ADGRL1: variants seen among roughly 807,000 people sequenced by gnomAD.
ADGRL1 encodes CIRL-1.
In ADGRL1, 31 loss-of-function variants were observed where a neutral mutation model predicts 148.9. The ratio of observed to expected loss-of-function variants is 0.21; its 90% CI spans 0.16 to 0.28. The LOEUF (loss-of-function observed/expected upper bound fraction) is 0.28. ADGRL1 is among the 10% of genes least tolerant of loss of function. The pLI, the probability that ADGRL1 is intolerant of heterozygous loss-of-function variation, is 1.00. For synonymous variants in ADGRL1, 937 were observed against 900.3 expected, an observed-to-expected ratio of 1.04 and a Z score of -0.73; for missense variants, 1,521 against 2,058.8, an observed-to-expected ratio of 0.74 and a Z score of 5.05.
At position 14,163,100 on chromosome 19, in the gene ADGRL1, C is replaced by T. The variant is rs763595117; in HGVS notation, c.701G>A (p.Arg234Gln). The stretch of plus-strand genomic sequence containing the variant: ...CGTCTCCCCGCTCTTGATGCGCGTC[C>T]GTAGGTCATACTTGACGATGTTGCG... ...RTRNIVKYDL[R>Q]TRIKSGETVI... is the part of the protein sequence containing the mutation. The change falls in exon 5 of 23, where the codon CGG becomes CAG. Residue 234 changes from arginine (R) to glutamine (Q), a missense_variant. Transcript: ENST00000361434. 6 of 1,614,094 alleles carry T rather than the reference C, an allele frequency of 3.7e-6. No homozygotes were observed. Among genetic ancestry groups the T allele is most frequent in the African/African-American group, 1.3e-5 (1 of 75,058 alleles).
chr19:14,160,444 G>A lies in ADGRL1; in HGVS notation c.1615-147C>T. ...GCCCCTTCCCACCCCATCTGTCCCT[G>A]CTCCCTTTGTAGGCCAGGGAGGTGA... is the stretch of plus-strand genomic sequence containing the variant. On this transcript the variant is annotated intron_variant, in intron 7 of 22. Coordinates refer to ENST00000361434, the MANE Select transcript of ADGRL1 (RefSeq NM_014921.5). The surrounding 1 kb of genome is among the most constrained non-coding windows in gnomAD (Gnocchi z 5.9). 1.1e-6 allele frequency: 1 copy of A among 933,530 alleles called. No individual in the cohort carries two copies. Among genetic ancestry groups the A allele is most frequent in the Non-Finnish European group, 1.6e-6 (1 of 631,402 alleles). 57.8% of individuals were successfully genotyped at this position (933,530 alleles called of 1,614,324 possible).
chr19:14,198,969 GAA>G (rs899740389), intron 1 of ADGRL1, among the ~76,000 whole-genome samples: 7 of 152,206 alleles, frequency 4.6e-5, no homozygotes, highest in African/African-American at 9.7e-5. Context: ...GAGCAGAGCT[GAA>G]AAGAGTTCTA....
Position 14,170,758 on chromosome 19 carries a change from G to A in ADGRL1, c.318C>T (p.Ala106=), listed in dbSNP as rs367957661. The A allele has an allele frequency of 1.7e-5, 27 of 1,612,168 alleles. No homozygotes were observed. The East Asian group carries it at 2.7e-4, about 16-fold the overall frequency. Residue 106 remains alanine (A), a synonymous_variant, in exon 4 of 23, where the codon GCC becomes GCT. Coordinates refer to ENST00000361434, the MANE Select transcript of ADGRL1 (RefSeq NM_014921.5). The stretch of plus-strand genomic sequence containing the variant: ...AGGGGTCAGGAAAGGCATCCGAGCC[G>A]GCGACCACCACGCACTGGGTGCGGT... ...CNNRTQCVVV[A]GSDAFPDPCP... is the part of the protein sequence containing the mutation.
intron 1 of ADGRL1, among the ~76,000 whole-genome samples, chr19:14,204,836 G>A (rs1972875739): frequency 6.6e-6 from 1 of 152,066 alleles, no homozygotes; most frequent in Non-Finnish European, 1.5e-5. Flanking sequence ...TTGGGAAGTG[G>A]GATGTGGGAA....
intron 1 of ADGRL1, among the ~76,000 whole-genome samples, chr19:14,205,759 G>A (rs1334391927): frequency 2.0e-5 from 3 of 151,070 alleles, no homozygotes; most frequent in Admixed American, 1.3e-4. Flanking sequence ...GGCGCTCCGT[G>A]GGGGCCGCCC....
chr19:14,194,431 A>T (rs1568629792), intron 1 of ADGRL1, among the ~76,000 whole-genome samples: 1 of 152,264 alleles, frequency 6.6e-6, no homozygotes, highest in African/African-American at 2.4e-5. Flanking sequence ...TGGGCTCTCC[A>T]GCAAGGAACC....
intron 4 of ADGRL1, chr19:14,170,415 G>C (rs1568599708): frequency 2.6e-6 from 1 of 388,260 alleles, no homozygotes; most frequent in African/African-American, 2.1e-5. Flanking sequence ...GGTGCATGAA[G>C]AAGCAGGGTG....
intron 3 of ADGRL1, among the ~76,000 whole-genome samples, chr19:14,174,535 AT>A (rs35665946): frequency 0.11 from 15,601 of 136,350 alleles, 691 homozygotes; most frequent in Admixed American, 0.17. Flanking sequence ...GGTAACACAC[AT>A]TTTTTTTTTT....
At chr19:14,158,669 G>A in intron 11 of ADGRL1, 117 bp from the exon 12 acceptor site, 1 of 782,676 alleles carries the variant, frequency 1.3e-6, no homozygotes, top group Non-Finnish European at 2.1e-6. Context: ...TGGCCACTGG[G>A]ACCTCTGAAG....
At position 14,159,860 on chromosome 19, in the gene ADGRL1, G is replaced by C. The variant is rs770581845; in HGVS notation, c.1801-87C>G. On this transcript the variant is annotated intron_variant, in intron 8 of 22. Transcript: ENST00000361434. The surrounding 1 kb of genome is among the most constrained non-coding windows in gnomAD (Gnocchi z 6.0). ...ACTGTCACATCTGGATAGCTCTCTC[G>C]TCTGCGGTTACCACTGACCCAGGGC... is the stretch of plus-strand genomic sequence containing the variant. The C allele has an allele frequency of 6.4e-6, 8 of 1,248,714 alleles. No individual in the cohort carries two copies. Among genetic ancestry groups the C allele is most frequent in the African/African-American group, 1.5e-5 (1 of 68,054 alleles). 77.4% of individuals were successfully genotyped at this position (1,248,714 alleles called of 1,614,324 possible).
intron 1 of ADGRL1, among the ~76,000 whole-genome samples, chr19:14,197,557 C>T (rs941460801): frequency 7.9e-5 from 12 of 152,206 alleles, no homozygotes; most frequent in Non-Finnish European, 1.3e-4. Context: ...ACCTTCCCAT[C>T]ACTTCTACTC....
intron 2 of ADGRL1, among the ~76,000 whole-genome samples, chr19:14,183,218 C>CGAGAGAGAGAGAGAGAGAGAGAGAGA (rs1262220395): frequency 8.0e-6 from 1 of 124,868 alleles, no homozygotes; most frequent in Non-Finnish European, 1.9e-5. Flanking sequence ...AGAGAGAGAG[C>CGAGAGAGAGAGAGAGAGAGAGAGAGA]GAGAGAGAGA....
intron 2 of ADGRL1, among the ~76,000 whole-genome samples, chr19:14,181,516 C>T (rs562250464): frequency 2.0e-5 from 3 of 152,200 alleles, no homozygotes; most frequent in Admixed American, 1.3e-4. Flanking sequence ...GTCAGGAATT[C>T]GAGACTAGCC....
intron 1 of ADGRL1, among the ~76,000 whole-genome samples, chr19:14,202,454 T>C (rs1033971768): frequency 2.6e-5 from 4 of 152,022 alleles, no homozygotes; most frequent in African/African-American, 4.8e-5. Context: ...GGTTTCACCA[T>C]GTTGGCCAGG....
intron 3 of ADGRL1, among the ~76,000 whole-genome samples, chr19:14,176,756 T>C (rs1312381302): frequency 6.6e-6 from 1 of 151,410 alleles, no homozygotes; most frequent in Non-Finnish European, 1.5e-5. Context: ...GGGGGATTGC[T>C]TGAACCTGAG....
Position 14,162,787 on chromosome 19 carries a change from G to A in ADGRL1, c.1014C>T (p.Arg338=), listed in dbSNP as rs1031002208. 4.3e-6 allele frequency: 7 copies of A among 1,614,080 alleles called. No individual in the cohort carries two copies. Among genetic ancestry groups the A allele is most frequent in the African/African-American group, 1.3e-5 (1 of 74,924 alleles). ...VDDDSEAAGN[R]VDYAFNTNAN... Reference sequence around the variant, plus strand: ...CATTGGTGTTGAAGGCATAGTCCACGCGGTTGCCAGCCGCCTCGCTGTCAT... The same window carrying A: ...CATTGGTGTTGAAGGCATAGTCCACACGGTTGCCAGCCGCCTCGCTGTCAT... Residue 338 remains arginine, a synonymous_variant, in exon 5 of 23, where the codon CGC becomes CGT. Coordinates refer to ENST00000361434, the MANE Select transcript of ADGRL1 (RefSeq NM_014921.5). This position sits in a 1 kb window ranked among gnomAD's most constrained non-coding sequence, Gnocchi z 5.4.
At chr19:14,176,980 A>C (rs952739320) in intron 3 of ADGRL1, among the ~76,000 whole-genome samples, 1 of 151,576 alleles carries the variant, frequency 6.6e-6, no homozygotes, top group South Asian at 2.1e-4. Context: ...CTGTAATGCC[A>C]GCACTTTGGG....
Position 14,162,685 on chromosome 19 carries a change from G to A in ADGRL1, c.1116C>T (p.Arg372=), listed in dbSNP as rs1046467603. The A allele has an allele frequency of 1.4e-5, 23 of 1,613,988 alleles. No individual in the cohort carries two copies. In the African/African-American group the frequency reaches 1.7e-4, roughly 12 times the overall value. Residue 372 remains arginine (R), a synonymous_variant, in exon 5 of 23, where the codon CGC becomes CGT. Transcript: ENST00000361434. The surrounding 1 kb of genome is among the most constrained non-coding windows in gnomAD (Gnocchi z 5.4). ...QFISSVDYNP[R]DNQLYVWNNY... is the part of the protein sequence containing the mutation. ...TGTTCCAGACGTACAGCTGGTTGTC[G>A]CGAGGGTTGTAGTCAACGGAGGAGA...
rs535338595 is a variant in ADGRL1, at chr19:14,185,649, A to C, written c.-95-1952T>G. Among the ~76,000 whole-genome samples, 522 of 152,246 alleles carry C rather than the reference A, an allele frequency of 3.4e-3. 6 individuals carry two copies. Among genetic ancestry groups the C allele is most frequent in the Non-Finnish European group, 4.9e-3 (336 of 68,012 alleles). ...AGCGTGGGAACCCCTGCTCTGTCAT[A>C]TCCAGCTGTCATCCCAGCCTGTCCC... On this transcript the variant is annotated intron_variant, in intron 1 of 22. Coordinates refer to ENST00000361434, the MANE Select transcript of ADGRL1 (RefSeq NM_014921.5).
Sources: gnomAD v4.1 joint callset for allele counts (sites outside exome capture counted in the v4.1 genomes callset) on GRCh38, gnomAD v4.1.1 for gene constraint, Gnocchi (gnomAD v3.1) non-coding constraint, MANE v1.5 for transcripts, NCBI Gene and HGNC (gene_info 2026-07-23, HGNC 2026-07-21) for gene names.